The following WNT5A variants were observed in gnomAD, a reference collection of about 807,000 sequenced individuals.
WNT5A encodes the protein Wnt family member 5A.
Under a neutral mutation model 42.1 loss-of-function variants are expected in WNT5A, and 9 were observed. That is an observed-to-expected ratio of 0.21 (90% confidence interval 0.13 to 0.37). The LOEUF (loss-of-function observed/expected upper bound fraction) is 0.37, where lower values mean the gene tolerates loss of function less well. Among genes scored for constraint, WNT5A ranks in the 10% least tolerant of loss-of-function variants. The pLI, the probability that WNT5A is intolerant of heterozygous loss-of-function variation, is 1.00. For synonymous variants in WNT5A, 210 were observed against 210.0 expected, an observed-to-expected ratio of 1.00 and a Z score of 0.00; for missense variants, 426 against 534.0, an observed-to-expected ratio of 0.80 and a Z score of 1.99.
rs200583587 is a variant in WNT5A at position 55,470,416 on chromosome 3, C to T, written c.819G>A (p.Ala273=). Reference sequence around the variant, plus strand: ...CCCGGCTGTTGAGCCGCATGGCCGCCGCGCTGTCGTACTTCTCCTTCAGGG... The same window carrying T: ...CCCGGCTGTTGAGCCGCATGGCCGCTGCGCTGTCGTACTTCTCCTTCAGGG... ...GDALKEKYDS[A]AAMRLNSRGK... Residue 273 remains alanine, a synonymous_variant, in exon 5 of 5, where the codon GCG becomes GCA. Coordinates refer to ENST00000264634, the MANE Select transcript of WNT5A (RefSeq NM_003392.7). The T allele has an allele frequency of 5.1e-5, 82 of 1,612,994 alleles. 2 individuals are homozygous for T. In the Middle Eastern group the frequency reaches 5.8e-3, roughly 113 times the overall value.
At chr3:55,504,426 A>G in the WNT5A span, among the ~76,000 whole-genome samples, 2 of 151,936 alleles carry the variant, frequency 1.3e-5, no homozygotes, top group Non-Finnish European at 2.9e-5. Flanking sequence ...GTGATGTGAA[A>G]CTGGATTAAT....
chr3:55,478,626 A>G (rs904221898), intron 3 of WNT5A, among the ~76,000 whole-genome samples: 3 of 152,188 alleles, frequency 2.0e-5, no homozygotes, highest in African/African-American at 4.8e-5. Context: ...GGGAAGTAAG[A>G]CATTCAACAA....
At chr3:55,505,189 G>GAAACTT in the WNT5A span, 1 of 152,342 alleles carries the variant, frequency 6.6e-6, no homozygotes. Context: ...GAGGCCTCAG[G>GAAACTT]AAACTTACTA....
the WNT5A span, among the ~76,000 whole-genome samples, chr3:55,497,695 G>T: frequency 2.6e-5 from 4 of 152,156 alleles, no homozygotes; most frequent in African/African-American, 9.6e-5. Context: ...AGCTCCAAAA[G>T]ATGAAGCAAC....
In WNT5A at chr3:55,469,363, A is replaced by G. The variant is rs1485211386; in HGVS notation, c.*729T>C. 1 of 152,232 alleles carries G rather than the reference A, an allele frequency of 6.6e-6. No homozygotes were observed. Among genetic ancestry groups the G allele is most frequent in the African/African-American group, 2.4e-5 (1 of 41,458 alleles). 9.4% of individuals were successfully genotyped at this position (152,232 alleles called of 1,614,324 possible). ...AACAGCTTCAAATCAACATCTTGAC[A>G]TAAGAGTTTTAAATTTTTTAATTTC... On this transcript the variant is annotated 3_prime_UTR_variant, in exon 5 of 5. Transcript: ENST00000264634.
chr3:55,501,618 CGTCA>C, the WNT5A span: 10 of 152,288 alleles, frequency 6.6e-5, no homozygotes, highest in African/African-American at 2.2e-4. Context: ...CATGTTCACT[CGTCA>C]GTCAAATACC....
intron 3 of WNT5A, 176 bp downstream of exon 3, chr3:55,479,138 C>G: frequency 1.9e-6 from 1 of 528,338 alleles, no homozygotes. Context: ...AACTTATCAT[C>G]AGGTGTAGGG....
intron 1 of WNT5A, among the ~76,000 whole-genome samples, chr3:55,485,772 A>G (rs2051566708): frequency 6.6e-6 from 1 of 152,158 alleles, no homozygotes. Context: ...GAGAGGCGAG[A>G]GAGGAGAAGG....
Position 55,487,183 on chromosome 3 carries a change from C to T in WNT5A, c.-198G>A. ...CCGGGCCTGGACTCCCGAGTTGGGG[C>T]AGAGCTGGGATGCGCCCAGGAATGG... is the stretch of plus-strand genomic sequence containing the variant. On this transcript the variant is annotated 5_prime_UTR_variant, in exon 1 of 5. Coordinates refer to ENST00000264634, the MANE Select transcript of WNT5A (RefSeq NM_003392.7). 3.5e-6 allele frequency: 2 copies of T among 577,444 alleles called. No homozygotes were observed. Among genetic ancestry groups the T allele is most frequent in the South Asian group, 2.1e-5 (1 of 47,852 alleles). 35.8% of individuals were successfully genotyped at this position (577,444 alleles called of 1,614,324 possible).
chr3:55,500,675 T>A, the WNT5A span, among the ~76,000 whole-genome samples: 5 of 152,216 alleles, frequency 3.3e-5, no homozygotes, highest in African/African-American at 1.2e-4. Flanking sequence ...AGAAATATTC[T>A]GAGTAATTCC....
chr3:55,479,671 T>C, intron 2 of WNT5A, 107 bp from the exon 3 acceptor site: 1 of 1,393,502 alleles, frequency 7.2e-7, no homozygotes. Context: ...TGCTTTTTTC[T>C]CTCCTGCTTG....
intron 4 of WNT5A, among the ~76,000 whole-genome samples, chr3:55,471,348 C>G (rs2051247669): frequency 6.6e-6 from 1 of 152,126 alleles, no homozygotes; most frequent in Non-Finnish European, 1.5e-5. Context: ...AGTCCCTACC[C>G]CATCTACTAC....
the WNT5A span, among the ~76,000 whole-genome samples, chr3:55,502,312 T>G: frequency 1.3e-5 from 2 of 152,254 alleles, no homozygotes; most frequent in Non-Finnish European, 2.9e-5. Flanking sequence ...CTGTGACCCA[T>G]GCCTACTGCA....
chr3:55,493,673 A>C (rs751170095), upstream of WNT5A, among the ~76,000 whole-genome samples: 1 of 152,256 alleles, frequency 6.6e-6, no homozygotes, highest in South Asian at 2.1e-4. Flanking sequence ...ACCTGTGGCC[A>C]TGCCACTGCT....
chr3:55,489,596 C>T (rs1001150945), upstream of WNT5A, among the ~76,000 whole-genome samples: 7 of 152,162 alleles, frequency 4.6e-5, no homozygotes, highest in African/African-American at 1.7e-4. Flanking sequence ...AACTTCCCAC[C>T]AAGTGCCAGA....
At chr3:55,473,917 A>G (rs2051298477) in intron 4 of WNT5A, among the ~76,000 whole-genome samples, 1 of 152,214 alleles carries the variant, frequency 6.6e-6, no homozygotes, top group African/African-American at 2.4e-5. Context: ...AGCCAAAGGT[A>G]CCAGGGACTA....
At chr3:55,493,684 G>C (rs1013053651), upstream of WNT5A, 1 of 152,206 alleles carries the variant, frequency 6.6e-6, no homozygotes, top group Non-Finnish European at 1.5e-5. Context: ...TGCCACTGCT[G>C]AGCAAAAGTT....
chr3:55,479,698 T>C, intron 2 of WNT5A, 134 bp from the exon 3 acceptor site: 1 of 1,264,134 alleles, frequency 7.9e-7, no homozygotes, highest in African/African-American at 1.5e-5. Context: ...TGACAAAGTA[T>C]GAGAAGGGCT....
At chr3:55,485,642 G>T (rs944986927) in intron 1 of WNT5A, among the ~76,000 whole-genome samples, 1 of 135,738 alleles carries the variant, frequency 7.4e-6, no homozygotes, top group Non-Finnish European at 1.6e-5. Context: ...TGGCTGGTTC[G>T]GCAGTGAATG....
Sources: allele counts gnomAD v4.1 joint callset (sites outside exome capture counted in the v4.1 genomes callset), GRCh38; gene constraint gnomAD v4.1.1; transcripts MANE v1.5; gene names NCBI Gene and HGNC (gene_info 2026-07-23, HGNC 2026-07-21).